SYNJ1: variants seen among roughly 807,000 people sequenced by gnomAD.
SYNJ1 encodes synaptojanin 1.
SYNJ1 carries 78 observed loss-of-function variants against 168.2 expected under a neutral mutation model. The observed-to-expected ratio is 0.46, with a 90% CI of 0.39 to 0.56. The LOEUF (loss-of-function observed/expected upper bound fraction) is 0.56. Ranked by LOEUF, SYNJ1 falls within the 20% of genes least tolerant of loss-of-function variation. The probability of loss-of-function intolerance (pLI) is 0.00; values close to 1 mark genes in which losing one functional copy is unlikely to be tolerated. For missense variants in SYNJ1, 1,303 were observed against 1,597.6 expected (o/e 0.82, Z 3.14); for synonymous variants, 539 against 548.6 (o/e 0.98, Z 0.24).
At chr21:32,678,260 T>C (rs915029756) in intron 12 of SYNJ1, among the ~76,000 whole-genome samples, 1 of 152,156 alleles carries the variant, frequency 6.6e-6, no homozygotes, top group African/African-American at 2.4e-5. Context: ...ATTTAAAAAA[T>C]AACCAATATA....
At chr21:32,688,471 CGTT>C (rs1416654143) in intron 6 of SYNJ1, 104 bp from the exon 7 acceptor site, 4 of 882,482 alleles carry the variant, frequency 4.5e-6, no homozygotes, top group Non-Finnish European at 6.7e-6. Flanking sequence ...AACACACAGT[CGTT>C]AATCAAATAA....
chr21:32,687,115 A>G, intron 7 of SYNJ1, 41 bp from the exon 8 acceptor site: 1 of 1,085,616 alleles, frequency 9.2e-7, no homozygotes, highest in Non-Finnish European at 1.3e-6. Context: ...GTCAAATAAG[A>G]AGCCCAATTT....
rs1258705532 is a variant in SYNJ1, at chr21:32,727,877, G to A, written c.-23+69C>T. ...TGCGGAGGCAGAGACTGGTCTTGGA[G>A]GCGTCCGCCCGCCCGGCTGCCCGTG... On this transcript the variant is annotated intron_variant, in intron 1 of 32. Transcript: ENST00000674351. 134 of 1,524,800 alleles carry A rather than the reference G, an allele frequency of 8.8e-5. 2 individuals are homozygous for A. Among genetic ancestry groups the A allele is most frequent in the South Asian group, 1.2e-4 (10 of 83,094 alleles). 94.5% of individuals were successfully genotyped at this position (1,524,800 alleles called of 1,614,324 possible).
chr21:32,660,984 C>T (rs1163473170), intron 18 of SYNJ1, among the ~76,000 whole-genome samples: 1 of 152,200 alleles, frequency 6.6e-6, no homozygotes, highest in Non-Finnish European at 1.5e-5. Context: ...CTACCCCTTA[C>T]TGTGCATCAG....
rs1569014580 is a variant in SYNJ1 at position 32,631,341 on chromosome 21, T to TC, written c.*463dup. ...TAGATCAAAACTGTCCTTAAAGCCA[T>TC]CAAGTGAAGATGAAGCCCTGCTTTT... On this transcript the variant is annotated 3_prime_UTR_variant, in exon 33 of 33. Transcript: ENST00000674351. The TC allele has an allele frequency of 6.2e-7, 1 of 1,614,144 alleles. No individual in the cohort carries two copies. Among genetic ancestry groups the TC allele is most frequent in the Non-Finnish European group, 8.5e-7 (1 of 1,180,018 alleles).
upstream of SYNJ1, chr21:32,728,215 C>A (rs2043568775): frequency 1.0e-5 from 7 of 703,122 alleles, no homozygotes; most frequent in South Asian, 1.4e-4. Context: ...GAGCTGCGAT[C>A]CCACCGCCGG....
intron 18 of SYNJ1, among the ~76,000 whole-genome samples, chr21:32,659,936 C>T (rs1244340686): frequency 6.6e-6 from 1 of 152,196 alleles, no homozygotes; most frequent in Admixed American, 6.5e-5. Flanking sequence ...CTCCGGCCAG[C>T]TTGAGCAATG....
At chr21:32,670,802 T>C (rs193228430) in intron 14 of SYNJ1, 200 of 985,054 alleles carry the variant, frequency 2.0e-4, no homozygotes, top group Middle Eastern at 5.2e-4. Context: ...ACATTCATAT[T>C]TGAAAAACAT....
Position 32,676,328 on chromosome 21 carries a change from G to T in SYNJ1, c.1534+4C>A, listed in dbSNP as rs748110438. ...TATTTATAGATTGATTTTCTATACTGTACCTGACTGTAATGTCTGCTCAGA... is the reference window on the plus strand; with the variant it reads ...TATTTATAGATTGATTTTCTATACTTTACCTGACTGTAATGTCTGCTCAGA... On this transcript the variant is annotated splice_donor_region_variant and intron_variant, in intron 13 of 32. Coordinates refer to ENST00000674351, the MANE Select transcript of SYNJ1 (RefSeq NM_203446.3). 3.1e-6 allele frequency: 5 copies of T among 1,603,236 alleles called. No individual in the cohort carries two copies. In the South Asian group the frequency reaches 5.6e-5, roughly 18 times the overall value.
chr21:32,726,491 T>C (rs1390100347), intron 2 of SYNJ1, among the ~76,000 whole-genome samples: 1 of 152,048 alleles, frequency 6.6e-6, no homozygotes, highest in Non-Finnish European at 1.5e-5. Context: ...ACTGAAACAA[T>C]ATTTCTTTGG....
chr21:32,639,074 T>C lies in SYNJ1; in HGVS notation c.3749A>G (p.Gln1250Arg), dbSNP rs1433204750. The C allele has an allele frequency of 4.3e-6, 7 of 1,614,038 alleles. No homozygotes were observed. In the East Asian group the frequency reaches 1.6e-4, roughly 36 times the overall value. ...PLKPQAAFPP[Q>R]SSLPPPAQRL... is the part of the protein sequence containing the mutation. ...TTGAGCAGGCGGGGGCAAAGAAGAC[T>C]GCGGAGGAAAAGCAGCCTGAGGCTT... is the stretch of plus-strand genomic sequence containing the variant. Residue 1250 changes from glutamine (Q) to arginine (R), a missense_variant, in exon 31 of 33, where the codon CAG becomes CGG. Gln to Arg is a conservative substitution (Grantham distance 43). Around this residue, in one of 2 missense-constraint regions of SYNJ1, gnomAD observed 383 missense variants for 388.8 expected, o/e 0.99. Coordinates refer to ENST00000674351, the MANE Select transcript of SYNJ1 (RefSeq NM_203446.3).
Position 32,727,978 on chromosome 21 carries a change from G to T in SYNJ1, c.-55C>A. On this transcript the variant is annotated 5_prime_UTR_variant, in exon 1 of 33. Transcript: ENST00000674351. Reference sequence around the variant, plus strand: ...TCCGGCTCCTCCTCCTCCTTCTCCCGCAGCCGCCGCCACAGCCGCCGGGAG... The same window carrying T: ...TCCGGCTCCTCCTCCTCCTTCTCCCTCAGCCGCCGCCACAGCCGCCGGGAG... 2 of 1,534,988 alleles carry T rather than the reference G, an allele frequency of 1.3e-6. No individual in the cohort carries two copies. Among genetic ancestry groups the T allele is most frequent in the East Asian group, 2.5e-5 (1 of 40,706 alleles).
intron 31 of SYNJ1, among the ~76,000 whole-genome samples, chr21:32,637,276 CAA>C (rs1263859288): frequency 6.8e-6 from 1 of 146,422 alleles, no homozygotes; most frequent in African/African-American, 2.5e-5. Context: ...TTAAAAACTA[CAA>C]AAGAGTATAC....
intron 2 of SYNJ1, among the ~76,000 whole-genome samples, chr21:32,720,219 A>G (rs1201609821): frequency 6.6e-6 from 1 of 152,206 alleles, no homozygotes; most frequent in East Asian, 1.9e-4. Context: ...AGCTTGGGCA[A>G]CAAGAGCGAA....
chr21:32,695,047 C>T lies in SYNJ1; in HGVS notation c.705+10G>A. ...TAAATTAATTAAGTAATATAAAACA[C>T]TATATATACCTGTTCTGTTTCTACA... is the stretch of plus-strand genomic sequence containing the variant. On this transcript the variant is annotated intron_variant, in intron 5 of 32. Coordinates refer to ENST00000674351, the MANE Select transcript of SYNJ1 (RefSeq NM_203446.3). 1 of 1,608,920 alleles carries T rather than the reference C, an allele frequency of 6.2e-7. No individual in the cohort carries two copies. Among genetic ancestry groups the T allele is most frequent in the Non-Finnish European group, 8.5e-7 (1 of 1,176,682 alleles).
At chr21:32,724,418 G>A (rs2043367926) in intron 2 of SYNJ1, among the ~76,000 whole-genome samples, 1 of 151,982 alleles carries the variant, frequency 6.6e-6, no homozygotes, top group Admixed American at 6.6e-5. Flanking sequence ...AACCCAGGAG[G>A]TGGAGGTTGC....
chr21:32,646,346 A>C, intron 24 of SYNJ1, 47 bp downstream of exon 24: 1 of 1,569,444 alleles, frequency 6.4e-7, no homozygotes, highest in Non-Finnish European at 8.7e-7. Flanking sequence ...AACATCAAGC[A>C]CATTGGCCAC....
In SYNJ1 at chr21:32,649,288, T is replaced by C. The variant is rs531704962; in HGVS notation, c.3037+896A>G. ...AATATGTGTGGACTGAGTAAACAAATGAACAGATAATGTGAAAATGAGATA... is the reference window on the plus strand; with the variant it reads ...AATATGTGTGGACTGAGTAAACAAACGAACAGATAATGTGAAAATGAGATA... On this transcript the variant is annotated intron_variant, in intron 23 of 32. Coordinates refer to ENST00000674351, the MANE Select transcript of SYNJ1 (RefSeq NM_203446.3). Among the ~76,000 whole-genome samples the C allele has an allele frequency of 4.6e-5, 7 of 152,314 alleles. No individual in the cohort carries two copies. In the South Asian group the frequency reaches 1.4e-3, roughly 32 times the overall value.
chr21:32,697,684 C>A (rs552504299), intron 4 of SYNJ1, among the ~76,000 whole-genome samples: 6 of 152,184 alleles, frequency 3.9e-5, no homozygotes, highest in Non-Finnish European at 7.3e-5. Flanking sequence ...GCCTGTGGTC[C>A]CAGCTACCCA....
Sources: gnomAD v4.1 joint callset for allele counts (sites outside exome capture counted in the v4.1 genomes callset) on GRCh38, gnomAD v4.1.1 for gene constraint, gnomAD v4.1.1 regional missense constraint, MANE v1.5 for transcripts, NCBI Gene and HGNC (gene_info 2026-07-23, HGNC 2026-07-21) for gene names.